The following SGCZ variants were observed in gnomAD, a reference collection of about 807,000 sequenced individuals.
SGCZ encodes the protein zeta-sarcoglycan.
SGCZ carries 40 observed loss-of-function variants against 41.3 expected under a neutral mutation model. The ratio of observed to expected loss-of-function variants is 0.97; its 90% CI spans 0.75 to 1.26. The LOEUF is 1.26. SGCZ is among the 50% of genes most tolerant of loss of function. SGCZ has a pLI of 0.00. For missense variants in SGCZ, 552 were observed against 369.8 expected, an observed-to-expected ratio of 1.49 and a Z score of -4.04; for synonymous variants, 206 against 137.5, an observed-to-expected ratio of 1.50 and a Z score of -3.49.
chr8:14,367,059 C>T (rs1803734326), intron 2 of SGCZ, among the ~76,000 whole-genome samples: 1 of 152,104 alleles, frequency 6.6e-6, no homozygotes, highest in South Asian at 2.1e-4. Flanking sequence ...AACTTTAATG[C>T]TCTGCTTTCT....
intron 1 of SGCZ, among the ~76,000 whole-genome samples, chr8:14,682,469 C>G (rs375185404): frequency 7.7e-4 from 113 of 146,814 alleles, no homozygotes; most frequent in Middle Eastern, 3.8e-3. Flanking sequence ...GAGTCTTGCT[C>G]TGTCGCCCAG....
intron 2 of SGCZ, among the ~76,000 whole-genome samples, chr8:14,386,174 T>A (rs1236151383): frequency 6.6e-6 from 1 of 152,056 alleles, no homozygotes; most frequent in Non-Finnish European, 1.5e-5. Flanking sequence ...CTCAGGAAAG[T>A]GAAGGGAGAA....
chr8:14,853,786 T>C (rs369899454), intron 1 of SGCZ, among the ~76,000 whole-genome samples: 1 of 151,940 alleles, frequency 6.6e-6, no homozygotes, highest in East Asian at 1.9e-4. Flanking sequence ...AAGGCTTTTC[T>C]AACTACTGTT....
intron 1 of SGCZ, among the ~76,000 whole-genome samples, chr8:14,780,869 C>A (rs1422988699): frequency 6.6e-6 from 1 of 151,972 alleles, no homozygotes; most frequent in Non-Finnish European, 1.5e-5. Context: ...CTACAGCACA[C>A]TTGGAAAAAG....
intron 2 of SGCZ, among the ~76,000 whole-genome samples, chr8:14,452,535 T>C (rs1052173989): frequency 3.3e-5 from 5 of 151,840 alleles, no homozygotes; most frequent in African/African-American, 7.3e-5. Flanking sequence ...AATATATACA[T>C]CCTGGGCATG....
At chr8:14,242,924 C>A (rs758133255) in intron 3 of SGCZ, among the ~76,000 whole-genome samples, 1 of 152,138 alleles carries the variant, frequency 6.6e-6, no homozygotes, top group African/African-American at 2.4e-5. Flanking sequence ...TTTCTTTAAG[C>A]ATTTTGGTCT....
intron 1 of SGCZ, among the ~76,000 whole-genome samples, chr8:14,588,137 A>G (rs1237730146): frequency 6.6e-6 from 1 of 151,904 alleles, no homozygotes; most frequent in Non-Finnish European, 1.5e-5. Context: ...TTTTGTGTCT[A>G]TGTTATTAGA....
chr8:14,254,890 C>G (rs1427196789), intron 3 of SGCZ, among the ~76,000 whole-genome samples: 3 of 152,136 alleles, frequency 2.0e-5, no homozygotes, highest in Non-Finnish European at 4.4e-5. Context: ...CAATTCTTCA[C>G]AATTCAGTGA....
chr8:14,442,950 A>T (rs1800315727), intron 2 of SGCZ, among the ~76,000 whole-genome samples: 1 of 152,224 alleles, frequency 6.6e-6, no homozygotes, highest in Admixed American at 6.5e-5. Context: ...CTGATAAGCA[A>T]CTTCAGCAAA....
intron 1 of SGCZ, among the ~76,000 whole-genome samples, chr8:15,098,142 G>A (rs1585560398): frequency 6.6e-6 from 1 of 150,912 alleles, no homozygotes; most frequent in Admixed American, 6.6e-5. Context: ...AAGCAGAGCA[G>A]GAAAGGAGGT....
chr8:14,367,101 C>T (rs1896209), intron 2 of SGCZ, among the ~76,000 whole-genome samples: 147,103 of 152,166 alleles, frequency 0.97, 71,289 homozygotes, highest in Non-Finnish European at 1. Flanking sequence ...AAATTTCTTA[C>T]GCCAGATGCC....
rs552811165 is a variant in SGCZ at position 14,746,163 on chromosome 8, T to C, written c.40-191237A>G. ...CACAAGGTCATTAGCATAATAGATATTAAATATAACAAGGCATTCAAACGT... is the reference window on the plus strand; with the variant it reads ...CACAAGGTCATTAGCATAATAGATACTAAATATAACAAGGCATTCAAACGT... On this transcript the variant is annotated intron_variant, in intron 1 of 7. Coordinates refer to ENST00000382080, the MANE Select transcript of SGCZ (RefSeq NM_139167.4). Among the ~76,000 whole-genome samples, 8 of 152,186 alleles carry C rather than the reference T, an allele frequency of 5.3e-5. No homozygotes were observed. The South Asian group carries it at 8.3e-4, about 16-fold the overall frequency.
intron 1 of SGCZ, among the ~76,000 whole-genome samples, chr8:14,838,542 G>A (rs918835638): frequency 5.3e-5 from 8 of 152,112 alleles, no homozygotes; most frequent in Non-Finnish European, 1.0e-4. Flanking sequence ...TGTAGAACCT[G>A]TTGGAATTAC....
intron 1 of SGCZ, among the ~76,000 whole-genome samples, chr8:14,659,694 C>T (rs1259532641): frequency 2.6e-5 from 4 of 152,164 alleles, no homozygotes; most frequent in African/African-American, 9.6e-5. Context: ...TTGCTCTCTG[C>T]TCCTGCTATA....
intron 1 of SGCZ, among the ~76,000 whole-genome samples, chr8:14,628,750 G>A (rs1422918511): frequency 6.6e-6 from 1 of 152,066 alleles, no homozygotes; most frequent in African/African-American, 2.4e-5. Context: ...AATTGAAAAT[G>A]TCTGCTTTCA....
intron 1 of SGCZ, among the ~76,000 whole-genome samples, chr8:15,048,217 C>T (rs1585509760): frequency 6.6e-6 from 1 of 151,970 alleles, no homozygotes; most frequent in East Asian, 1.9e-4. Context: ...TTAAGTGAAA[C>T]AAGCCAGGCA....
chr8:14,893,630 A>G (rs907481364), intron 1 of SGCZ, among the ~76,000 whole-genome samples: 13 of 152,206 alleles, frequency 8.5e-5, no homozygotes, highest in Admixed American at 5.2e-4. Flanking sequence ...CTTTATAAAT[A>G]ATGCTGTCAT....
chr8:14,866,637 C>G (rs1347344496), intron 1 of SGCZ, among the ~76,000 whole-genome samples: 4 of 151,920 alleles, frequency 2.6e-5, no homozygotes, highest in Non-Finnish European at 5.9e-5. Context: ...CAGCAAAACA[C>G]CGCCTCTACA....
intron 2 of SGCZ, among the ~76,000 whole-genome samples, chr8:14,410,358 A>G (rs1000481290): frequency 6.6e-6 from 1 of 151,040 alleles, no homozygotes; most frequent in African/African-American, 2.4e-5. Flanking sequence ...AAGTTTGAAA[A>G]CTCCAAAAGG....
Sources: gnomAD v4.1 joint callset for allele counts (sites outside exome capture counted in the v4.1 genomes callset) on GRCh38, gnomAD v4.1.1 for gene constraint, MANE v1.5 for transcripts, NCBI Gene and HGNC (gene_info 2026-07-23, HGNC 2026-07-21) for gene names.